SMCHD1: variants seen among roughly 807,000 people sequenced by gnomAD.
SMCHD1 encodes structural maintenance of chromosomes flexible hinge domain containing 1.
A neutral mutation model predicts 254.7 loss-of-function variants in SMCHD1; 78 were observed. The ratio of observed to expected loss-of-function variants is 0.31; its 90% CI spans 0.26 to 0.37. The LOEUF (loss-of-function observed/expected upper bound fraction) is 0.37. Ranked by LOEUF, SMCHD1 falls within the 10% of genes least tolerant of loss-of-function variation. SMCHD1 has a pLI of 1.00. For missense variants in SMCHD1, 1,840 were observed against 2,408.1 expected (o/e 0.76, Z 4.94); for synonymous variants, 766 against 794.9 (o/e 0.96, Z 0.61).
chr18:2,698,326 TTC>T (rs2074327470), intron 10 of SMCHD1, among the ~76,000 whole-genome samples: 1 of 152,202 alleles, frequency 6.6e-6, no homozygotes, highest in Non-Finnish European at 1.5e-5. Flanking sequence ...TTCCCTTGTC[TTC>T]TCTTTATCCT....
chr18:2,710,872 C>T (rs2074650540), intron 17 of SMCHD1, among the ~76,000 whole-genome samples: 1 of 152,148 alleles, frequency 6.6e-6, no homozygotes, highest in Non-Finnish European at 1.5e-5. Flanking sequence ...GTGTTTTTAT[C>T]ATGAAAGAGT....
At chr18:2,720,182 A>G (rs565653174) in intron 19 of SMCHD1, among the ~76,000 whole-genome samples, 144 of 152,176 alleles carry the variant, frequency 9.5e-4, no homozygotes, top group African/African-American at 3.2e-3. Flanking sequence ...GGATTGGTAT[A>G]TTATTTTTGT....
chr18:2,750,194 G>A lies in SMCHD1; in HGVS notation c.4007+72G>A, dbSNP rs978425201. ...TTTCTTACTGCTTGCCGAAGTTACAGCTAATGACTATCCTTCTGTTTAATG... is the reference window on the plus strand; with the variant it reads ...TTTCTTACTGCTTGCCGAAGTTACAACTAATGACTATCCTTCTGTTTAATG... On this transcript the variant is annotated intron_variant, in intron 31 of 47. Coordinates refer to ENST00000320876, the MANE Select transcript of SMCHD1 (RefSeq NM_015295.3). The A allele has an allele frequency of 6.2e-6, 9 of 1,452,568 alleles. No individual in the cohort carries two copies. In the Admixed American group the frequency reaches 8.2e-5, roughly 13 times the overall value. 90.0% of individuals were successfully genotyped at this position (1,452,568 alleles called of 1,614,324 possible).
At chr18:2,675,577 A>G (rs2073727983) in intron 5 of SMCHD1, among the ~76,000 whole-genome samples, 1 of 152,090 alleles carries the variant, frequency 6.6e-6, no homozygotes, top group East Asian at 1.9e-4. Context: ...TTTCTCCACA[A>G]CCATTCTATT....
chr18:2,710,740 C>T (rs2074647595), intron 17 of SMCHD1, among the ~76,000 whole-genome samples: 1 of 152,084 alleles, frequency 6.6e-6, no homozygotes, highest in Non-Finnish European at 1.5e-5. Flanking sequence ...GAATCTTGTC[C>T]TGTTCCTGAT....
At chr18:2,679,097 C>T (rs2073857799) in intron 5 of SMCHD1, among the ~76,000 whole-genome samples, 1 of 150,676 alleles carries the variant, frequency 6.6e-6, no homozygotes, top group Non-Finnish European at 1.5e-5. Context: ...CTGCCTGCCT[C>T]GGCCTCCCGA....
chr18:2,756,676 A>T (rs2075686037), intron 34 of SMCHD1, among the ~76,000 whole-genome samples: 2 of 152,020 alleles, frequency 1.3e-5, no homozygotes, highest in South Asian at 4.2e-4. Context: ...GCTCACTGCA[A>T]CCTCCACCTC....
intron 41 of SMCHD1, among the ~76,000 whole-genome samples, chr18:2,774,055 C>T (rs977814974): frequency 6.6e-6 from 1 of 152,194 alleles, no homozygotes; most frequent in African/African-American, 2.4e-5. Flanking sequence ...ATATTTTACA[C>T]ATTTCTTCCT....
Position 2,718,848 on chromosome 18 carries a change from C to T in SMCHD1, c.2458+414C>T, listed in dbSNP as rs556239320. Among the ~76,000 whole-genome samples, 6 of 152,142 alleles carry T rather than the reference C, an allele frequency of 3.9e-5. No individual in the cohort carries two copies. Among genetic ancestry groups the T allele is most frequent in the South Asian group, 2.1e-4 (1 of 4,824 alleles). On this transcript the variant is annotated intron_variant, in intron 19 of 47. Coordinates refer to ENST00000320876, the MANE Select transcript of SMCHD1 (RefSeq NM_015295.3). The surrounding 1 kb of genome is among the most constrained non-coding windows in gnomAD (Gnocchi z 4.6). ...GATTACAGATGTGAGCCACCGTGCC[C>T]GGCCCATTTTGATTTTCAAATAGCT...
intron 34 of SMCHD1, among the ~76,000 whole-genome samples, chr18:2,756,559 C>G (rs888267862): frequency 6.6e-6 from 1 of 152,150 alleles, no homozygotes; most frequent in Non-Finnish European, 1.5e-5. Context: ...ATTTGTATTT[C>G]CTGTCTCTTG....
chr18:2,673,379 T>TGTAAAGCA lies in SMCHD1; in HGVS notation c.507+17_507+24dup, dbSNP rs746594917. Reference sequence around the variant, plus strand: ...GATCAAATTGGTAAGGAAATAATACTGTAAAGCAATTTAACTTTTCCTTTT... The same window carrying TGTAAAGCA: ...GATCAAATTGGTAAGGAAATAATACTGTAAAGCAGTAAAGCAATTTAACTTTTCCTTTT... On this transcript the variant is annotated intron_variant, in intron 4 of 47. Coordinates refer to ENST00000320876, the MANE Select transcript of SMCHD1 (RefSeq NM_015295.3). The TGTAAAGCA allele has an allele frequency of 9.1e-6, 13 of 1,423,410 alleles. No individual in the cohort carries two copies. In the South Asian group the frequency reaches 1.9e-4, roughly 21 times the overall value. The allele number at this position is 1,423,410 out of a possible 1,614,324, so 88.2% of individuals were successfully genotyped here.
At chr18:2,732,131 G>A (rs1252329831) in intron 24 of SMCHD1, 134 bp from the exon 25 acceptor site, 4 of 620,450 alleles carry the variant, frequency 6.4e-6, no homozygotes, top group Middle Eastern at 8.8e-4. Context: ...ATAGTATAAT[G>A]CCATCTTAAT....
chr18:2,763,085 C>T (rs1421559340), intron 36 of SMCHD1, among the ~76,000 whole-genome samples: 2 of 152,152 alleles, frequency 1.3e-5, no homozygotes, highest in African/African-American at 4.8e-5. Flanking sequence ...TGGTGGGATG[C>T]TTGTCTACTT....
At chr18:2,678,220 TC>T in intron 5 of SMCHD1, among the ~76,000 whole-genome samples, 1 of 29,442 alleles carries the variant, frequency 3.4e-5, no homozygotes, top group East Asian at 9.8e-3. Context: ...TTTCTTTCTT[TC>T]TTTTTCTTTC....
chr18:2,776,319 T>G (rs1767129391), intron 42 of SMCHD1, among the ~76,000 whole-genome samples: 1 of 152,148 alleles, frequency 6.6e-6, no homozygotes, highest in Admixed American at 6.5e-5. Flanking sequence ...GTCCCTGGAT[T>G]CAAACTACCT....
intron 8 of SMCHD1, among the ~76,000 whole-genome samples, chr18:2,696,270 G>T (rs1000828317): frequency 6.6e-6 from 1 of 152,094 alleles, no homozygotes; most frequent in Non-Finnish European, 1.5e-5. Context: ...GGTCCCCAAC[G>T]CCCCGGTCGT....
intron 22 of SMCHD1, 189 bp downstream of exon 22, chr18:2,726,713 G>C (rs1315696866): frequency 7.1e-5 from 21 of 294,232 alleles, no homozygotes; most frequent in Non-Finnish European, 4.9e-5. Context: ...AGATGTTATT[G>C]ACATTCTGAA....
intron 34 of SMCHD1, among the ~76,000 whole-genome samples, chr18:2,753,659 A>T (rs1437149502): frequency 6.6e-6 from 1 of 152,162 alleles, no homozygotes; most frequent in Non-Finnish European, 1.5e-5. Flanking sequence ...CCCCTGCCTC[A>T]GCCTCCCAAG....
rs1555646670 is a variant in SMCHD1 at position 2,748,380 on chromosome 18, G to GTGTATA, written c.3927+735_3927+740dup. Among the ~76,000 whole-genome samples the GTGTATA allele has an allele frequency of 2.6e-3, 206 of 80,238 alleles. 29 individuals carry two copies. Among genetic ancestry groups the GTGTATA allele is most frequent in the African/African-American group, 3.6e-3 (52 of 14,552 alleles). The allele number at this position is 80,238 out of a possible 152,430, so 52.6% of individuals were successfully genotyped here. On this transcript the variant is annotated intron_variant, in intron 30 of 47. Coordinates refer to ENST00000320876, the MANE Select transcript of SMCHD1 (RefSeq NM_015295.3). ...TGTGTGTGTGTGTGTGTGTGTGTGT[G>GTGTATA]TGTATATAAATTTTTTTTTTTTTTT...
Sources: allele counts gnomAD v4.1 joint callset (sites outside exome capture counted in the v4.1 genomes callset), GRCh38; gene constraint gnomAD v4.1.1; non-coding constraint Gnocchi (gnomAD v3.1); transcripts MANE v1.5; gene names NCBI Gene and HGNC (gene_info 2026-07-23, HGNC 2026-07-21).